The following VPS41 variants were observed in gnomAD, a reference collection of about 807,000 sequenced individuals.
The protein encoded by VPS41 is VPS41 subunit of HOPS complex, also known as vacuolar protein sorting-associated protein 41 homolog.
VPS41 carries 85 observed loss-of-function variants against 130.9 expected under a neutral mutation model. That is an observed-to-expected ratio of 0.65 (90% confidence interval 0.55 to 0.78). The LOEUF is 0.78. Among genes scored for constraint, VPS41 ranks in the 30% least tolerant of loss-of-function variants. VPS41 has a pLI of 0.00. For missense variants in VPS41, 874 were observed against 1,018.7 expected, an observed-to-expected ratio of 0.86 and a Z score of 1.93; for synonymous variants, 335 against 332.9, an observed-to-expected ratio of 1.01 and a Z score of -0.07.
intron 4 of VPS41, among the ~76,000 whole-genome samples, chr7:38,856,912 G>C: frequency 6.6e-6 from 1 of 152,202 alleles, no homozygotes; most frequent in East Asian, 1.9e-4. Flanking sequence ...AAAATTACTA[G>C]AGAGGGAAGA....
chr7:38,756,679 A>G (rs1202706420), intron 19 of VPS41, among the ~76,000 whole-genome samples, 159 bp downstream of exon 19: 1 of 152,250 alleles, frequency 6.6e-6, no homozygotes, highest in Non-Finnish European at 1.5e-5. Context: ...AACAACTAGA[A>G]TAACAACATC....
At chr7:38,905,290 T>C (rs1562631592) in intron 1 of VPS41, among the ~76,000 whole-genome samples, 1 of 152,106 alleles carries the variant, frequency 6.6e-6, no homozygotes, top group Admixed American at 6.6e-5. Context: ...ATAAGAAAGA[T>C]ATGGACAAAT....
chr7:38,853,554 A>G (rs1785912570), intron 4 of VPS41, among the ~76,000 whole-genome samples: 1 of 152,128 alleles, frequency 6.6e-6, no homozygotes, highest in Non-Finnish European at 1.5e-5. Flanking sequence ...GCAAAGGTGG[A>G]GATTCCTCCC....
intron 7 of VPS41, among the ~76,000 whole-genome samples, chr7:38,806,136 G>A (rs1349991989): frequency 6.6e-6 from 1 of 152,214 alleles, no homozygotes; most frequent in Non-Finnish European, 1.5e-5. Context: ...CAATGAGCAT[G>A]TGGTAAAATA....
intron 10 of VPS41, among the ~76,000 whole-genome samples, chr7:38,782,179 G>A (rs967112943): frequency 1.3e-5 from 2 of 152,184 alleles, no homozygotes; most frequent in Admixed American, 1.3e-4. Context: ...AGTGGAGAGA[G>A]GAGGCCTGGC....
rs191059163 is a variant in VPS41 at position 38,837,986 on chromosome 7, G to A, written c.247-7658C>T. The stretch of plus-strand genomic sequence containing the variant: ...AAATATAATATTTAAAACCATGATT[G>A]CAGGAACTTACATGCATATTTTTGA... On this transcript the variant is annotated intron_variant, in intron 4 of 28. Coordinates refer to ENST00000310301, the MANE Select transcript of VPS41 (RefSeq NM_014396.4). Among the ~76,000 whole-genome samples the A allele has an allele frequency of 1.7e-3, 255 of 152,160 alleles. 2 individuals are homozygous for A. Among genetic ancestry groups the A allele is most frequent in the African/African-American group, 5.7e-3 (235 of 41,526 alleles).
At chr7:38,807,945 A>G (rs1784871872) in intron 7 of VPS41, among the ~76,000 whole-genome samples, 1 of 152,254 alleles carries the variant, frequency 6.6e-6, no homozygotes, top group Non-Finnish European at 1.5e-5. Context: ...AGCAAGGAGC[A>G]AAAGATGGTT....
intron 19 of VPS41, among the ~76,000 whole-genome samples, chr7:38,756,470 T>C (rs777537685): frequency 1.8e-4 from 27 of 152,172 alleles, no homozygotes; most frequent in Non-Finnish European, 7.4e-5. Context: ...GGAAGTTCAC[T>C]TAATTTTAAA....
intron 14 of VPS41, 70 bp from the exon 15 acceptor site, chr7:38,767,668 G>C: frequency 2.6e-6 from 3 of 1,136,822 alleles, no homozygotes; most frequent in Non-Finnish European, 4.0e-6. Flanking sequence ...CTCGGTTTCT[G>C]CACAGGGCAT....
chr7:38,764,663 G>A (rs1251123484), intron 16 of VPS41, among the ~76,000 whole-genome samples: 1 of 152,032 alleles, frequency 6.6e-6, no homozygotes, highest in Admixed American at 6.6e-5. Flanking sequence ...AGAATGAGGA[G>A]GGGTGTAACA....
chr7:38,827,550 C>G (rs542517001), intron 5 of VPS41, among the ~76,000 whole-genome samples: 16 of 152,296 alleles, frequency 1.1e-4, no homozygotes, highest in African/African-American at 3.6e-4. Flanking sequence ...TAATACATAA[C>G]TGACAGCTTA....
chr7:38,904,134 G>A (rs911910823), intron 1 of VPS41, among the ~76,000 whole-genome samples: 8 of 152,116 alleles, frequency 5.3e-5, no homozygotes, highest in Non-Finnish European at 1.5e-5. Flanking sequence ...GGAGGCCCAG[G>A]CATCAAGAAG....
chr7:38,801,457 T>C (rs998194433), intron 7 of VPS41, among the ~76,000 whole-genome samples: 1 of 152,212 alleles, frequency 6.6e-6, no homozygotes, highest in African/African-American at 2.4e-5. Flanking sequence ...CACTTTATAT[T>C]TTGTGGATGA....
chr7:38,870,815 T>A (rs1379043924), intron 2 of VPS41, among the ~76,000 whole-genome samples: 1 of 91,144 alleles, frequency 1.1e-5, no homozygotes, highest in Non-Finnish European at 2.4e-5. Context: ...AACAGAATTC[T>A]AATCTGTTAA....
chr7:38,874,733 T>G (rs1207068913), intron 2 of VPS41, among the ~76,000 whole-genome samples: 1 of 152,072 alleles, frequency 6.6e-6, no homozygotes, highest in African/African-American at 2.4e-5. Context: ...AAACCAACTA[T>G]TAATAAAAAG....
chr7:38,742,198 A>AT, intron 24 of VPS41, 77 bp from the exon 25 acceptor site: 3 of 1,379,028 alleles, frequency 2.2e-6, no homozygotes, highest in South Asian at 1.4e-5. Flanking sequence ...ATTTGCATAT[A>AT]ATGCAATTTT....
intron 10 of VPS41, among the ~76,000 whole-genome samples, chr7:38,783,838 A>G (rs904500324): frequency 3.0e-4 from 45 of 152,180 alleles, no homozygotes; most frequent in African/African-American, 1.0e-3. Flanking sequence ...ATAATTCCCA[A>G]CTAGGTTATC....
intron 19 of VPS41, among the ~76,000 whole-genome samples, chr7:38,755,238 C>T (rs1405746411): frequency 2.0e-5 from 3 of 152,170 alleles, no homozygotes; most frequent in South Asian, 4.1e-4. Context: ...TCCGATGTCT[C>T]GGATACCTTC....
intron 2 of VPS41, among the ~76,000 whole-genome samples, chr7:38,881,242 T>C (rs1786598858): frequency 6.6e-6 from 1 of 152,198 alleles, no homozygotes; most frequent in Admixed American, 6.5e-5. Context: ...TTTTCCAGCT[T>C]CTGAAAGCGC....
Sources: gnomAD v4.1 joint callset for allele counts (sites outside exome capture counted in the v4.1 genomes callset) on GRCh38, gnomAD v4.1.1 for gene constraint, MANE v1.5 for transcripts, NCBI Gene and HGNC (gene_info 2026-07-23, HGNC 2026-07-21) for gene names.